CCSER1: variants seen among roughly 807,000 people sequenced by gnomAD.
The protein encoded by CCSER1 is coiled-coil serine rich protein 1.
CCSER1 carries 41 observed loss-of-function variants against 82.0 expected under a neutral mutation model. That is an observed-to-expected ratio of 0.50 (90% CI 0.39 to 0.65). The LOEUF is 0.65. Ranked by LOEUF, CCSER1 falls within the 30% of genes least tolerant of loss-of-function variation. CCSER1 has a pLI of 0.00. For missense variants in CCSER1, 1,119 were observed against 1,064.2 expected (o/e 1.05, Z -0.72); for synonymous variants, 414 against 383.9 (o/e 1.08, Z -0.92).
At chr4:90,916,094 G>T (rs904249680) in intron 8 of CCSER1, among the ~76,000 whole-genome samples, 22 of 152,188 alleles carry the variant, frequency 1.4e-4, no homozygotes, top group African/African-American at 5.3e-4. Context: ...ACTACCCAAG[G>T]TAATTTATAG....
intron 10 of CCSER1, among the ~76,000 whole-genome samples, chr4:91,470,524 CT>C (rs1757215781): frequency 6.6e-6 from 1 of 152,006 alleles, no homozygotes; most frequent in African/African-American, 2.4e-5. Flanking sequence ...ATACTTTGTT[CT>C]TTTTTGCTGT....
At chr4:90,206,735 G>A (rs922118514) in intron 1 of CCSER1, among the ~76,000 whole-genome samples, 1 of 139,558 alleles carries the variant, frequency 7.2e-6, no homozygotes, top group Non-Finnish European at 1.5e-5. Flanking sequence ...CTGAGTTCAA[G>A]TCCTGAATAT....
At chr4:91,542,809 C>G (rs1761676257) in intron 10 of CCSER1, among the ~76,000 whole-genome samples, 1 of 152,166 alleles carries the variant, frequency 6.6e-6, no homozygotes. Context: ...CTGTAGATGT[C>G]TATCAGGCCT....
At chr4:90,628,000 T>G in intron 5 of CCSER1, 25 bp from the exon 6 acceptor site, 1 of 1,553,458 alleles carries the variant, frequency 6.4e-7, no homozygotes. Context: ...ACTGTAATTT[T>G]TGTTCTTTTT....
intron 10 of CCSER1, among the ~76,000 whole-genome samples, chr4:91,385,756 G>A (rs1408464960): frequency 6.6e-6 from 1 of 151,966 alleles, no homozygotes; most frequent in South Asian, 2.1e-4. Flanking sequence ...TCTTATTTTA[G>A]TGGTATTGGT....
chr4:90,158,596 C>T (rs576702550), intron 1 of CCSER1, among the ~76,000 whole-genome samples: 1 of 152,314 alleles, frequency 6.6e-6, no homozygotes, highest in East Asian at 1.9e-4. Flanking sequence ...GCTCCCCTCC[C>T]CAGCCTGGCT....
chr4:91,031,382 C>A (rs1052434288), intron 9 of CCSER1, among the ~76,000 whole-genome samples: 1 of 152,058 alleles, frequency 6.6e-6, no homozygotes, highest in African/African-American at 2.4e-5. Context: ...TACTGTAGCA[C>A]AAGGAAACAC....
intron 7 of CCSER1, among the ~76,000 whole-genome samples, chr4:90,753,343 G>T (rs752799883): frequency 2.6e-5 from 4 of 152,102 alleles, no homozygotes; most frequent in African/African-American, 4.8e-5. Flanking sequence ...CCCCTCATTT[G>T]CTTCTCCTTT....
Position 90,932,950 on chromosome 4 carries a change from GAA to G in CCSER1, c.2172+9505_2172+9506del, listed in dbSNP as rs1308619375. ...AGAAAGAAAGAAAGAAAGAAAGAAA[GAA>G]AGAAAGAAAGAAAGAAAGAAAGAAA... On this transcript the variant is annotated intron_variant, in intron 9 of 10. Transcript: ENST00000509176. Among the ~76,000 whole-genome samples, 78 of 31,970 alleles carry G rather than the reference GAA, an allele frequency of 2.4e-3. 29 individuals are homozygous for G. The highest frequency in any genetic ancestry group is 0.017 in the African/African-American group (72 of 4,334). 21.0% of individuals were successfully genotyped at this position (31,970 alleles called of 152,430 possible).
chr4:91,423,823 C>G (rs890835912), intron 10 of CCSER1, among the ~76,000 whole-genome samples: 5 of 152,108 alleles, frequency 3.3e-5, no homozygotes, highest in African/African-American at 1.2e-4. Context: ...CACTGAGTCT[C>G]TGTATTGTGC....
chr4:90,714,667 G>A (rs756176331), intron 6 of CCSER1, among the ~76,000 whole-genome samples: 9 of 151,858 alleles, frequency 5.9e-5, no homozygotes, highest in Non-Finnish European at 1.2e-4. Context: ...GGACTTAAAG[G>A]TTCAAATAAA....
intron 3 of CCSER1, among the ~76,000 whole-genome samples, chr4:90,331,850 T>C (rs1739344600): frequency 6.6e-6 from 1 of 151,944 alleles, no homozygotes; most frequent in Non-Finnish European, 1.5e-5. Flanking sequence ...TGAAAGGTTG[T>C]ATTATACATT....
chr4:90,259,494 A>T (rs1438656352), intron 1 of CCSER1, among the ~76,000 whole-genome samples: 2 of 151,940 alleles, frequency 1.3e-5, no homozygotes, highest in African/African-American at 2.4e-5. Context: ...TCTGGCTAAG[A>T]CTTCCTGTAC....
rs573206561 is a variant in CCSER1, at chr4:91,554,333, G to T, written c.2218-44239G>T. Among the ~76,000 whole-genome samples the T allele has an allele frequency of 7.9e-5, 12 of 151,256 alleles. No homozygotes were observed. The South Asian group carries it at 2.3e-3, about 29-fold the overall frequency. ...CTATCCTGGAGAGTGCTCACTACAG[G>T]CTTGAAAAGAATGTATTTTCTGCTG... On this transcript the variant is annotated intron_variant, in intron 10 of 10. Transcript: ENST00000509176.
intron 9 of CCSER1, among the ~76,000 whole-genome samples, chr4:90,938,238 T>C (rs1731193492): frequency 6.6e-6 from 1 of 152,082 alleles, no homozygotes; most frequent in South Asian, 2.1e-4. Flanking sequence ...GTTTATTTAG[T>C]ACTTTGGATG....
At position 90,231,424 on chromosome 4, in the gene CCSER1, C is replaced by A. The variant is rs1315483036; in HGVS notation, c.-41-76820C>A. Among the ~76,000 whole-genome samples the A allele has an allele frequency of 2.0e-5, 3 of 150,966 alleles. No homozygotes were observed. In the East Asian group the frequency reaches 5.8e-4, roughly 29 times the overall value. Reference sequence around the variant, plus strand: ...AGGCCTTTGACAAAATTCAACAACCCTTCATGCTAAAAACTCTCAATAAAT... The same window carrying A: ...AGGCCTTTGACAAAATTCAACAACCATTCATGCTAAAAACTCTCAATAAAT... On this transcript the variant is annotated intron_variant, in intron 1 of 10. Transcript: ENST00000509176.
intron 10 of CCSER1, among the ~76,000 whole-genome samples, chr4:91,441,392 C>CG (rs1755129874): frequency 6.8e-6 from 1 of 146,880 alleles, no homozygotes; most frequent in African/African-American, 2.5e-5. Context: ...TCAATAGATG[C>CG]AGAAAAGGCC....
chr4:91,284,613 T>G (rs951348302), intron 10 of CCSER1, among the ~76,000 whole-genome samples: 9 of 152,190 alleles, frequency 5.9e-5, no homozygotes, highest in Admixed American at 3.9e-4. Context: ...AAGAGCTATT[T>G]TCATTGCCCA....
At chr4:90,248,772 A>C (rs151276500) in intron 1 of CCSER1, among the ~76,000 whole-genome samples, 2 of 149,964 alleles carry the variant, frequency 1.3e-5, no homozygotes, top group Non-Finnish European at 3.0e-5. Flanking sequence ...ATCACCGTTC[A>C]CTGAAGCCTC....
Sources: allele counts gnomAD v4.1 joint callset (sites outside exome capture counted in the v4.1 genomes callset), GRCh38; gene constraint gnomAD v4.1.1; transcripts MANE v1.5; gene names NCBI Gene and HGNC (gene_info 2026-07-23, HGNC 2026-07-21).